MARCHF5: variants seen among roughly 807,000 people sequenced by gnomAD.
MARCHF5 encodes the protein E3 ubiquitin-protein ligase MARCHF5.
Under a neutral mutation model 36.5 loss-of-function variants are expected in MARCHF5, and 5 were observed. That is an observed-to-expected ratio of 0.14 (90% CI 0.07 to 0.29). The LOEUF is 0.29. MARCHF5 is among the 10% of genes least tolerant of loss of function. The probability of loss-of-function intolerance (pLI) is 1.00; values close to 1 mark genes in which losing one functional copy is unlikely to be tolerated. For synonymous variants in MARCHF5, 103 were observed against 109.9 expected (o/e 0.94, Z 0.39); for missense variants, 179 against 336.3 (o/e 0.53, Z 3.66).
intron 1 of MARCHF5, among the ~76,000 whole-genome samples, chr10:92,305,840 G>A (rs1048575947): frequency 1.3e-5 from 2 of 152,182 alleles, no homozygotes; most frequent in Non-Finnish European, 1.5e-5. Flanking sequence ...GGAGGTGGGA[G>A]GATCACTGGA....
At position 92,353,873 on chromosome 10, in the gene MARCHF5, CTT is replaced by C. The variant is rs1843749720; in HGVS notation, c.*2668_*2669del. 1 of 152,550 alleles carries C rather than the reference CTT, an allele frequency of 6.6e-6. No homozygotes were observed. The highest frequency in any genetic ancestry group is 2.4e-5 in the African/African-American group (1 of 41,422). 9.4% of individuals were successfully genotyped at this position (152,550 alleles called of 1,614,324 possible). Reference sequence around the variant, plus strand: ...ACTTAATTAGTCACTGCCTTGCTAACTTTGCTGTAATTTTTTTAAACGTCTTG... The same window carrying C: ...ACTTAATTAGTCACTGCCTTGCTAACTGCTGTAATTTTTTTAAACGTCTTG... On this transcript the variant is annotated 3_prime_UTR_variant, in exon 6 of 6. Coordinates refer to ENST00000358935, the MANE Select transcript of MARCHF5 (RefSeq NM_017824.5).
chr10:92,346,492 C>CTTTT (rs763991703), intron 3 of MARCHF5, among the ~76,000 whole-genome samples: 1,285 of 88,010 alleles, frequency 0.015, 3 homozygotes, highest in Non-Finnish European at 0.022. Flanking sequence ...CTATTTCCTT[C>CTTTT]TTTTTTTTTT....
At chr10:92,319,899 G>A (rs1288918631) in intron 2 of MARCHF5, among the ~76,000 whole-genome samples, 2 of 144,454 alleles carry the variant, frequency 1.4e-5, no homozygotes, top group South Asian at 2.2e-4. Context: ...TGATCTGCCC[G>A]TCTTGGCCTC....
At chr10:92,316,606 A>G (rs1843212768) in intron 2 of MARCHF5, among the ~76,000 whole-genome samples, 2 of 152,152 alleles carry the variant, frequency 1.3e-5, no homozygotes, top group African/African-American at 2.4e-5. Context: ...TTTGTTGCCT[A>G]CGCTGGAGTA....
chr10:92,298,812 C>CGGAAT (rs1842977725), intron 1 of MARCHF5, among the ~76,000 whole-genome samples: 1 of 152,060 alleles, frequency 6.6e-6, no homozygotes, highest in African/African-American at 2.4e-5. Context: ...ACCCTCCTGC[C>CGGAAT]TCAGCCTCCC....
At chr10:92,303,462 C>G (rs895931062) in intron 1 of MARCHF5, among the ~76,000 whole-genome samples, 41 of 152,108 alleles carry the variant, frequency 2.7e-4, no homozygotes, top group Admixed American at 2.7e-3. Flanking sequence ...TTCTTGGTCT[C>G]TCATCACATT....
At chr10:92,314,664 A>G (rs776898211) in intron 2 of MARCHF5, among the ~76,000 whole-genome samples, 13 of 150,632 alleles carry the variant, frequency 8.6e-5, no homozygotes, top group Admixed American at 6.0e-4. Context: ...AAAAAAGTAT[A>G]TCCTTCATTT....
chr10:92,340,566 T>G, intron 2 of MARCHF5, 107 bp from the exon 3 acceptor site: 2 of 1,046,230 alleles, frequency 1.9e-6, no homozygotes, highest in Non-Finnish European at 2.8e-6. Flanking sequence ...AGTGAGACCC[T>G]GTGTCTTGTT....
chr10:92,319,654 G>A (rs931663673), intron 2 of MARCHF5, among the ~76,000 whole-genome samples: 1 of 78,640 alleles, frequency 1.3e-5, no homozygotes, highest in African/African-American at 9.0e-5. Context: ...TTGTTTTTTT[G>A]TTTTTTGTTT....
intron 2 of MARCHF5, among the ~76,000 whole-genome samples, chr10:92,318,193 G>A (rs1179362150): frequency 1.3e-5 from 2 of 152,028 alleles, no homozygotes; most frequent in East Asian, 3.9e-4. Context: ...TTGGGAGGCT[G>A]AGGCAGGCAG....
chr10:92,293,942 A>T (rs1842921065), intron 1 of MARCHF5, among the ~76,000 whole-genome samples: 1 of 152,180 alleles, frequency 6.6e-6, no homozygotes, highest in African/African-American at 2.4e-5. Context: ...GATTTTTAAC[A>T]TGACTTTCAA....
At chr10:92,349,313 AAG>A in intron 3 of MARCHF5, 34 bp from the exon 4 acceptor site, 1 of 1,459,250 alleles carries the variant, frequency 6.9e-7, no homozygotes, top group Non-Finnish European at 9.2e-7. Flanking sequence ...TCATTTGAAA[AAG>A]AAGTAATTCT....
chr10:92,347,519 TAG>T (rs1564954948), intron 3 of MARCHF5, among the ~76,000 whole-genome samples: 3 of 50,110 alleles, frequency 6.0e-5, no homozygotes, highest in African/African-American at 1.8e-4. Flanking sequence ...GATAGATAGA[TAG>T]ATGATAGATA....
intron 2 of MARCHF5, among the ~76,000 whole-genome samples, chr10:92,319,965 A>T (rs1277473044): frequency 3.5e-5 from 5 of 142,144 alleles, no homozygotes; most frequent in African/African-American, 1.3e-4. Context: ...AAAAAAAAAA[A>T]ATTTCTTTTC....
chr10:92,308,938 C>A lies in MARCHF5; in HGVS notation c.36-2197C>A, dbSNP rs532419539. Among the ~76,000 whole-genome samples the A allele has an allele frequency of 5.4e-4, 82 of 152,282 alleles. 1 individual carries two copies. The highest frequency in any genetic ancestry group is 4.1e-4 in the South Asian group (2 of 4,824). Reference sequence around the variant, plus strand: ...GCCAGGATGGTCTCAATCTCCTGACCTTGTGATCCGCCCGCTTCAGCCTCC... The same window carrying A: ...GCCAGGATGGTCTCAATCTCCTGACATTGTGATCCGCCCGCTTCAGCCTCC... On this transcript the variant is annotated intron_variant, in intron 1 of 5. Coordinates refer to ENST00000358935, the MANE Select transcript of MARCHF5 (RefSeq NM_017824.5).
At chr10:92,319,977 T>TC in intron 2 of MARCHF5, among the ~76,000 whole-genome samples, 1 of 146,366 alleles carries the variant, frequency 6.8e-6, no homozygotes, top group East Asian at 2.0e-4. Context: ...TTTCTTTTCT[T>TC]TTTTTTTTTT....
chr10:92,327,118 AGCAAGCTACTT>A (rs1003449720), intron 2 of MARCHF5, among the ~76,000 whole-genome samples: 3 of 152,202 alleles, frequency 2.0e-5, no homozygotes, highest in South Asian at 2.1e-4. Flanking sequence ...CCCAGGGTTT[AGCAAGCTACTT>A]GCAAGCTACT....
chr10:92,315,971 T>C (rs117917760), intron 2 of MARCHF5, among the ~76,000 whole-genome samples: 4,524 of 152,322 alleles, frequency 0.03, 91 homozygotes, highest in Non-Finnish European at 0.046. Flanking sequence ...TGTGAAATAT[T>C]TGTGATCAAA....
At position 92,351,798 on chromosome 10, in the gene MARCHF5, G is replaced by T. The variant is rs1843716906; in HGVS notation, c.*591G>T. The T allele has an allele frequency of 6.6e-6, 1 of 152,434 alleles. No individual in the cohort carries two copies. The highest frequency in any genetic ancestry group is 2.4e-5 in the African/African-American group (1 of 41,384). The allele number at this position is 152,434 out of a possible 1,614,324, so 9.4% of individuals were successfully genotyped here. A position where few individuals can be genotyped will look rare whatever the true frequency, so the allele number is the denominator to read the frequency against. ...CATGTGATGTCCTCCAAAATGTGTA[G>T]GGTAAAAATTCACAGGGCTTCCAGA... On this transcript the variant is annotated 3_prime_UTR_variant, in exon 6 of 6. Coordinates refer to ENST00000358935, the MANE Select transcript of MARCHF5 (RefSeq NM_017824.5).
Sources: allele counts gnomAD v4.1 joint callset (sites outside exome capture counted in the v4.1 genomes callset), GRCh38; gene constraint gnomAD v4.1.1; transcripts MANE v1.5; gene names NCBI Gene and HGNC (gene_info 2026-07-23, HGNC 2026-07-21).